SUPT6H: variants seen among roughly 807,000 people sequenced by gnomAD.
SUPT6H encodes the protein transcription elongation factor SPT6.
Under a neutral mutation model 222.3 loss-of-function variants are expected in SUPT6H, and 11 were observed. That is an observed-to-expected ratio of 0.05 (90% CI 0.03 to 0.08). The LOEUF is 0.08. Among genes scored for constraint, SUPT6H ranks in the 10% least tolerant of loss-of-function variants. The probability of loss-of-function intolerance (pLI) is 1.00; values close to 1 mark genes in which losing one functional copy is unlikely to be tolerated. For missense variants in SUPT6H, 1,422 were observed against 2,216.0 expected (o/e 0.64, Z 7.19); for synonymous variants, 762 against 801.2 (o/e 0.95, Z 0.83).
chr17:28,688,312 A>G lies in SUPT6H; in HGVS notation c.3134+94A>G. 2 of 1,418,724 alleles carry G rather than the reference A, an allele frequency of 1.4e-6. No individual in the cohort carries two copies. Among genetic ancestry groups the G allele is most frequent in the African/African-American group, 2.9e-5 (2 of 68,790 alleles). 87.9% of individuals were successfully genotyped at this position (1,418,724 alleles called of 1,614,324 possible). ...TAGGGCTATCAAAGGGCCACAAGCC[A>G]TTTTAACTTAGGAAATGTTTTAAAG... On this transcript the variant is annotated intron_variant, in intron 24 of 36. Transcript: ENST00000314616. The surrounding 1 kb of genome is among the most constrained non-coding windows in gnomAD (Gnocchi z 4.3).
intron 19 of SUPT6H, among the ~76,000 whole-genome samples, chr17:28,685,510 A>G (rs2031339257): frequency 6.8e-6 from 1 of 147,086 alleles, no homozygotes; most frequent in Non-Finnish European, 1.5e-5. Context: ...ATTATTATTG[A>G]AACAGAGTCT....
At chr17:28,663,119 G>A (rs1469860479) in intron 1 of SUPT6H, among the ~76,000 whole-genome samples, 2 of 152,206 alleles carry the variant, frequency 1.3e-5, no homozygotes, top group South Asian at 2.1e-4. Context: ...TAACAAGGGT[G>A]TATGAAGCTA....
In SUPT6H at chr17:28,699,799, G is replaced by C. The variant is rs1426209077; in HGVS notation, c.4467G>C (p.Val1489=). 1 of 1,614,170 alleles carries C rather than the reference G, an allele frequency of 6.2e-7. No individual in the cohort carries two copies. The highest frequency in any genetic ancestry group is 8.5e-7 in the Non-Finnish European group (1 of 1,180,002). The change falls in exon 33 of 37, where the codon GTG becomes GTC. Residue 1489 remains valine, a synonymous_variant. Coordinates refer to ENST00000314616, the MANE Select transcript of SUPT6H (RefSeq NM_003170.5). The part of the protein sequence containing the change: ...RGKPRIEYVT[V]TPEGFRYRGQ... ...ATCCTAGGATAGAATATGTAACGGT[G>C]ACTCCAGAGGGATTCCGGTACCGGG...
intron 18 of SUPT6H, 38 bp from the exon 19 acceptor site, chr17:28,684,806 C>G: frequency 6.2e-7 from 1 of 1,613,712 alleles, no homozygotes; most frequent in Non-Finnish European, 8.5e-7. Flanking sequence ...CTTCATATTG[C>G]TGATTATTGC....
chr17:28,673,189 C>G (rs528447066), intron 1 of SUPT6H, among the ~76,000 whole-genome samples, 182 bp from the exon 2 acceptor site: 1 of 150,882 alleles, frequency 6.6e-6, no homozygotes, highest in African/African-American at 2.4e-5. Context: ...AGAAGCAATG[C>G]TGGGAGGAAT....
In SUPT6H at chr17:28,688,306, C is replaced by A; in HGVS notation, c.3134+88C>A. The A allele has an allele frequency of 3.5e-6, 5 of 1,446,490 alleles. No individual in the cohort carries two copies. 89.6% of individuals were successfully genotyped at this position (1,446,490 alleles called of 1,614,324 possible). ...AGGGGTTAGGGCTATCAAAGGGCCA[C>A]AAGCCATTTTAACTTAGGAAATGTT... On this transcript the variant is annotated intron_variant, in intron 24 of 36. Transcript: ENST00000314616. The surrounding 1 kb of genome is among the most constrained non-coding windows in gnomAD (Gnocchi z 4.3).
intron 11 of SUPT6H, among the ~76,000 whole-genome samples, chr17:28,680,116 C>A (rs1462816218): frequency 2.6e-5 from 4 of 151,448 alleles, no homozygotes; most frequent in Non-Finnish European, 5.9e-5. Context: ...ACCAGCTTGG[C>A]CAACATGGTG....
chr17:28,685,011 T>C (rs982891355), intron 19 of SUPT6H, 50 bp downstream of exon 19: 3 of 1,530,248 alleles, frequency 2.0e-6, no homozygotes, highest in Non-Finnish European at 2.7e-6. Flanking sequence ...GTATGTCTTA[T>C]GATTCAGTGG....
At chr17:28,678,692 A>T (rs867701068) in intron 10 of SUPT6H, 58 bp downstream of exon 10, 81 of 1,610,980 alleles carry the variant, frequency 5.0e-5, no homozygotes, top group Middle Eastern at 1.8e-4. Context: ...CATTACTACC[A>T]GGATACCACA....
intron 30 of SUPT6H, 32 bp downstream of exon 30, chr17:28,697,114 C>G: frequency 6.3e-7 from 1 of 1,593,126 alleles, no homozygotes; most frequent in South Asian, 1.1e-5. Context: ...CCTCCCATCC[C>G]ACTCCTGCTT....
At chr17:28,676,527 G>A in intron 7 of SUPT6H, 97 bp downstream of exon 7, 3 of 1,562,790 alleles carry the variant, frequency 1.9e-6, no homozygotes, top group Non-Finnish European at 2.6e-6. Flanking sequence ...ATCCAGCACA[G>A]GTTTGAACCT....
At chr17:28,672,412 C>CT (rs994806723) in intron 1 of SUPT6H, among the ~76,000 whole-genome samples, 14 of 150,644 alleles carry the variant, frequency 9.3e-5, no homozygotes, top group Admixed American at 4.6e-4. Context: ...TTTTTCTTTT[C>CT]TTTTTTTTTC....
intron 16 of SUPT6H, 83 bp from the exon 17 acceptor site, chr17:28,683,538 C>T (rs1018709227): frequency 3.2e-6 from 5 of 1,582,626 alleles, no homozygotes; most frequent in Non-Finnish European, 4.3e-6. Flanking sequence ...AGGCTGTTGT[C>T]TCTGGCTTGC....
Position 28,679,545 on chromosome 17 carries a change from T to G in SUPT6H, c.1349+582T>G, listed in dbSNP as rs144035917. ...CACTGAGTGAAAGAGCAAGATCCGG[T>G]TTTTTTTTGTATTTTTAGTAGAGAC... On this transcript the variant is annotated intron_variant, in intron 11 of 36. Coordinates refer to ENST00000314616, the MANE Select transcript of SUPT6H (RefSeq NM_003170.5). Among the ~76,000 whole-genome samples, 434 of 150,928 alleles carry G rather than the reference T, an allele frequency of 2.9e-3. 1 individual carries two copies. Among genetic ancestry groups the G allele is most frequent in the Middle Eastern group, 0.024 (7 of 292 alleles).
chr17:28,691,306 A>C, intron 27 of SUPT6H: 1 of 439,420 alleles, frequency 2.3e-6, no homozygotes, highest in Non-Finnish European at 4.1e-6. Flanking sequence ...TGGGCGGTTC[A>C]TCTGAGATCA....
intron 6 of SUPT6H, 32 bp from the exon 7 acceptor site, chr17:28,676,125 C>G (rs770417184): frequency 6.5e-7 from 1 of 1,550,006 alleles, no homozygotes; most frequent in Non-Finnish European, 8.7e-7. Flanking sequence ...TCACCTGAAC[C>G]TGAGCCACCT....
Position 28,693,782 on chromosome 17 carries a change from C to T in SUPT6H, c.3720C>T (p.Ile1240=). The change falls in exon 28 of 37, where the codon ATC becomes ATT. Residue 1240 remains isoleucine, a synonymous_variant. Coordinates refer to ENST00000314616, the MANE Select transcript of SUPT6H (RefSeq NM_003170.5). ...TAGACAATGGTGTCACCGGCTTCAT[C>T]CCCACCAAATTCCTCAGTGACAAAG... ...TRLDNGVTGF[I]PTKFLSDKVV... The T allele has an allele frequency of 6.2e-7, 1 of 1,614,228 alleles. No homozygotes were observed. The highest frequency in any genetic ancestry group is 2.2e-5 in the East Asian group (1 of 44,892).
Position 28,688,551 on chromosome 17 carries a change from G to A in SUPT6H, c.3134+333G>A. The A allele has an allele frequency of 5.9e-6, 1 of 169,464 alleles. No homozygotes were observed. Among genetic ancestry groups the A allele is most frequent in the Non-Finnish European group, 1.3e-5 (1 of 79,764 alleles). 10.5% of individuals were successfully genotyped at this position (169,464 alleles called of 1,614,324 possible). On this transcript the variant is annotated intron_variant, in intron 24 of 36. Transcript: ENST00000314616. This position sits in a 1 kb window ranked among gnomAD's most constrained non-coding sequence, Gnocchi z 4.3. ...GCCAGATAAGGGTGGGAATAGCGGG[G>A]GCAATGAAAAAGGAGTTTGGGGGTA...
intron 2 of SUPT6H, 108 bp from the exon 3 acceptor site, chr17:28,674,175 C>A (rs919454611): frequency 7.3e-7 from 1 of 1,367,616 alleles, no homozygotes; most frequent in Non-Finnish European, 1.0e-6. Flanking sequence ...GTTAACATGG[C>A]ACCCAGGTCA....
Sources: allele counts gnomAD v4.1 joint callset (sites outside exome capture counted in the v4.1 genomes callset), GRCh38; gene constraint gnomAD v4.1.1; non-coding constraint Gnocchi (gnomAD v3.1); transcripts MANE v1.5; gene names NCBI Gene and HGNC (gene_info 2026-07-23, HGNC 2026-07-21).